DCDC2: variants seen among roughly 807,000 people sequenced by gnomAD.
The protein encoded by DCDC2 is doublecortin domain-containing protein 2.
Under a neutral mutation model 50.2 loss-of-function variants are expected in DCDC2, and 40 were observed. That is an observed-to-expected ratio of 0.80 (90% CI 0.62 to 1.04). The LOEUF (loss-of-function observed/expected upper bound fraction) is 1.04, where lower values mean the gene tolerates loss of function less well. Ranked by LOEUF, DCDC2 falls within the 50% of genes least tolerant of loss-of-function variation. The pLI is 0.00. For synonymous variants in DCDC2, 234 were observed against 210.6 expected (o/e 1.11, Z -0.96); for missense variants, 570 against 581.9 (o/e 0.98, Z 0.21).
At chr6:24,321,886 C>T (rs1023900802) in intron 2 of DCDC2, among the ~76,000 whole-genome samples, 12 of 152,280 alleles carry the variant, frequency 7.9e-5, no homozygotes, top group African/African-American at 1.2e-4. Flanking sequence ...GAATTAATTA[C>T]GTGTGACAAA....
At chr6:24,360,717 C>A (rs1300508412), upstream of DCDC2, among the ~76,000 whole-genome samples, 1 of 150,244 alleles carries the variant, frequency 6.7e-6, no homozygotes, top group Non-Finnish European at 1.5e-5. Context: ...TGTGTCATGT[C>A]CAAATTACTG....
chr6:24,235,835 C>T (rs1208597198), intron 7 of DCDC2, among the ~76,000 whole-genome samples: 3 of 152,100 alleles, frequency 2.0e-5, no homozygotes, highest in Non-Finnish European at 4.4e-5. Flanking sequence ...AGAGCCAAAT[C>T]AAGAACATAA....
At chr6:24,233,644 A>T (rs55798554) in intron 7 of DCDC2, among the ~76,000 whole-genome samples, 10,007 of 152,284 alleles carry the variant, frequency 0.066, 602 homozygotes, top group East Asian at 0.36. Flanking sequence ...TCTTTTTAAA[A>T]TTGTCTGTAT....
Position 24,171,771 on chromosome 6 carries a change from CTTCT to C in DCDC2, c.*2955_*2958del, listed in dbSNP as rs1385531289. ...GCCTCAAAATGACTTTTGTCAAAATCTTCTTTATTTGCTCTGTAAAACTCTTAAT... is the reference window on the plus strand; with the variant it reads ...GCCTCAAAATGACTTTTGTCAAAATCTTATTTGCTCTGTAAAACTCTTAAT... On this transcript the variant is annotated 3_prime_UTR_variant, in exon 10 of 10. Transcript: ENST00000378454. The C allele has an allele frequency of 6.6e-6, 1 of 152,180 alleles. No homozygotes were observed. The highest frequency in any genetic ancestry group is 1.5e-5 in the Non-Finnish European group (1 of 68,022). 9.4% of individuals were successfully genotyped at this position (152,180 alleles called of 1,614,324 possible).
At chr6:24,279,066 G>A (rs1763417495) in intron 6 of DCDC2, among the ~76,000 whole-genome samples, 1 of 152,040 alleles carries the variant, frequency 6.6e-6, no homozygotes, top group Non-Finnish European at 1.5e-5. Context: ...GCCAAAAGTG[G>A]GCTCCTCCAC....
In DCDC2 at chr6:24,331,312, T is replaced by A. The variant is rs77211917; in HGVS notation, c.348+22257A>T. On this transcript the variant is annotated intron_variant, in intron 2 of 9. Transcript: ENST00000378454. Reference sequence around the variant, plus strand: ...GTCTATATATACCTTTTTTTTTTTTTAATTCAGAGACAGAGTCTTGCTCTG... The same window carrying A: ...GTCTATATATACCTTTTTTTTTTTTAAATTCAGAGACAGAGTCTTGCTCTG... Among the ~76,000 whole-genome samples, 207 of 144,620 alleles carry A rather than the reference T, an allele frequency of 1.4e-3. 1 individual carries two copies. Among genetic ancestry groups the A allele is most frequent in the Middle Eastern group, 0.011 (3 of 280 alleles). 94.9% of individuals were successfully genotyped at this position (144,620 alleles called of 152,430 possible).
the DCDC2 span, among the ~76,000 whole-genome samples, chr6:24,373,832 C>A: frequency 1.1e-4 from 16 of 151,986 alleles, no homozygotes; most frequent in Non-Finnish European, 2.2e-4. Context: ...AGCTAATTCT[C>A]ATTTAGAAGG....
In DCDC2 at chr6:24,306,566, A is replaced by G. The variant is rs1759480200; in HGVS notation, c.349-4522T>C. 2.0e-5 allele frequency among the ~76,000 whole-genome samples: 3 copies of G among 151,800 alleles called. No individual in the cohort carries two copies. In the South Asian group the frequency reaches 6.2e-4, roughly 31 times the overall value. Reference sequence around the variant, plus strand: ...GATAGACAGACAGACAGACAGACAGACAGACAGACAAAATATTTCTTGGAA... The same window carrying G: ...GATAGACAGACAGACAGACAGACAGGCAGACAGACAAAATATTTCTTGGAA... On this transcript the variant is annotated intron_variant, in intron 2 of 9. Coordinates refer to ENST00000378454, the MANE Select transcript of DCDC2 (RefSeq NM_016356.5).
intron 2 of DCDC2, 180 bp downstream of exon 2, chr6:24,353,389 C>T: frequency 1.5e-6 from 1 of 647,696 alleles, no homozygotes. Context: ...TCTACTCAGT[C>T]TTTTCATTTC....
chr6:24,255,139 G>T (rs886197235), intron 7 of DCDC2, among the ~76,000 whole-genome samples: 9 of 152,064 alleles, frequency 5.9e-5, no homozygotes, highest in African/African-American at 2.2e-4. Flanking sequence ...GAAAGGTATA[G>T]AGAGAACAGA....
intron 7 of DCDC2, among the ~76,000 whole-genome samples, chr6:24,248,555 T>A (rs1762734374): frequency 6.6e-6 from 1 of 152,216 alleles, no homozygotes; most frequent in African/African-American, 2.4e-5. Flanking sequence ...TGGCACAATT[T>A]CCTGAAGACC....
intron 8 of DCDC2, among the ~76,000 whole-genome samples, chr6:24,203,602 C>T (rs919382558): frequency 1.3e-5 from 2 of 151,558 alleles, no homozygotes; most frequent in African/African-American, 4.9e-5. Flanking sequence ...AATAAAACAC[C>T]AAAAGCAATG....
chr6:24,257,880 G>A (rs1218027618), intron 7 of DCDC2, among the ~76,000 whole-genome samples: 2 of 152,158 alleles, frequency 1.3e-5, no homozygotes, highest in African/African-American at 4.8e-5. Flanking sequence ...AGGATGGTCA[G>A]GAAGGACCAG....
At chr6:24,383,152 C>G in the DCDC2 span, among the ~76,000 whole-genome samples, 3 of 151,906 alleles carry the variant, frequency 2.0e-5, no homozygotes, top group African/African-American at 7.3e-5. Flanking sequence ...CATGGAGAAA[C>G]CCCGTCTCTA....
At chr6:24,270,464 A>G in intron 7 of DCDC2, among the ~76,000 whole-genome samples, 1 of 152,134 alleles carries the variant, frequency 6.6e-6, no homozygotes, top group East Asian at 1.9e-4. Context: ...TAATTGACCT[A>G]CATGCACACA....
At chr6:24,188,487 C>T in intron 8 of DCDC2, among the ~76,000 whole-genome samples, 1 of 152,124 alleles carries the variant, frequency 6.6e-6, no homozygotes, top group East Asian at 1.9e-4. Context: ...GTTTAAGAGT[C>T]AATGTCATAA....
intron 7 of DCDC2, among the ~76,000 whole-genome samples, chr6:24,233,738 T>C (rs1225042076): frequency 6.6e-6 from 1 of 152,220 alleles, no homozygotes; most frequent in Admixed American, 6.5e-5. Context: ...ATTTATATAA[T>C]TGCTAGTTTG....
intron 2 of DCDC2, among the ~76,000 whole-genome samples, chr6:24,336,093 G>T (rs557133104): frequency 1.3e-5 from 2 of 152,228 alleles, no homozygotes; most frequent in East Asian, 3.9e-4. Context: ...ACTGTCAAAA[G>T]TTGGGGGCAG....
intron 2 of DCDC2, among the ~76,000 whole-genome samples, chr6:24,310,497 A>G (rs1759552583): frequency 6.6e-6 from 1 of 152,078 alleles, no homozygotes; most frequent in Non-Finnish European, 1.5e-5. Flanking sequence ...GGCTCACATT[A>G]AATGTTGGTA....
Sources: allele counts gnomAD v4.1 joint callset (sites outside exome capture counted in the v4.1 genomes callset), GRCh38; gene constraint gnomAD v4.1.1; transcripts MANE v1.5; gene names NCBI Gene and HGNC (gene_info 2026-07-23, HGNC 2026-07-21).